The following UNC13C variants were observed in gnomAD, a reference collection of about 807,000 sequenced individuals.
UNC13C encodes the protein protein unc-13 homolog C.
In UNC13C, 174 loss-of-function variants were observed where a neutral mutation model predicts 245.4. That is an observed-to-expected ratio of 0.71 (90% CI 0.63 to 0.80). The LOEUF is 0.80. UNC13C is among the 30% of genes least tolerant of loss of function. The pLI is 0.00. For synonymous variants in UNC13C, 992 were observed against 895.1 expected, an observed-to-expected ratio of 1.11 and a Z score of -1.93; for missense variants, 2,829 against 2,602.9, an observed-to-expected ratio of 1.09 and a Z score of -1.89.
chr15:54,102,442 C>T (rs926123729), intron 2 of UNC13C, among the ~76,000 whole-genome samples: 1 of 152,184 alleles, frequency 6.6e-6, no homozygotes, highest in Admixed American at 6.5e-5. Context: ...GTACGACATG[C>T]TTGTGTATGT....
At chr15:53,863,148 C>A in the UNC13C span, among the ~76,000 whole-genome samples, 1 of 152,146 alleles carries the variant, frequency 6.6e-6, no homozygotes, top group Non-Finnish European at 1.5e-5. Flanking sequence ...ATTCCCACTG[C>A]AAATGGAGAA....
chr15:54,467,090 G>T (rs1892213383), intron 19 of UNC13C, among the ~76,000 whole-genome samples: 2 of 151,766 alleles, frequency 1.3e-5, no homozygotes, highest in Non-Finnish European at 3.0e-5. Context: ...TTCTAAATGA[G>T]AATTTCTGGG....
chr15:54,417,074 C>T (rs1369221758), intron 19 of UNC13C: 2 of 415,004 alleles, frequency 4.8e-6, no homozygotes, highest in Admixed American at 3.0e-5. Flanking sequence ...TGCGTAACAA[C>T]TGATTTTATT....
intron 19 of UNC13C, among the ~76,000 whole-genome samples, chr15:54,461,431 A>G (rs1891838280): frequency 6.6e-6 from 1 of 152,192 alleles, no homozygotes; most frequent in Non-Finnish European, 1.5e-5. Context: ...CATATAATCT[A>G]TCTTTGTATT....
chr15:53,956,361 G>A, the UNC13C span, among the ~76,000 whole-genome samples: 1 of 151,918 alleles, frequency 6.6e-6, no homozygotes, highest in East Asian at 1.9e-4. Context: ...AATATTTAGG[G>A]GTGGGAAATT....
intron 19 of UNC13C, among the ~76,000 whole-genome samples, chr15:54,436,347 A>G (rs2040986346): frequency 6.6e-6 from 1 of 152,068 alleles, no homozygotes; most frequent in Non-Finnish European, 1.5e-5. Context: ...TCTGCTATAA[A>G]GACACATGCA....
intron 1 of UNC13C, among the ~76,000 whole-genome samples, chr15:53,988,519 A>G (rs918543251): frequency 6.6e-6 from 1 of 151,920 alleles, no homozygotes; most frequent in African/African-American, 2.4e-5. Context: ...AGGATCTACC[A>G]TCACAAGCTC....
intron 2 of UNC13C, among the ~76,000 whole-genome samples, chr15:54,130,276 G>A (rs1474409888): frequency 6.9e-6 from 1 of 144,552 alleles, no homozygotes; most frequent in African/African-American, 2.5e-5. Context: ...TCGTGGCCAG[G>A]TAGATAATTA....
chr15:53,964,536 T>C, the UNC13C span, among the ~76,000 whole-genome samples: 1 of 152,186 alleles, frequency 6.6e-6, no homozygotes, highest in Admixed American at 6.5e-5. Context: ...CTCTATAAGG[T>C]GAAATATTAG....
intron 7 of UNC13C, among the ~76,000 whole-genome samples, chr15:54,242,423 T>C (rs962144707): frequency 1.3e-5 from 2 of 152,186 alleles, no homozygotes; most frequent in Admixed American, 1.3e-4. Flanking sequence ...TTGAATTTAA[T>C]ACCATCAAAT....
intron 4 of UNC13C, among the ~76,000 whole-genome samples, chr15:54,203,519 C>CAT (rs1202904559): frequency 2.8e-4 from 38 of 134,680 alleles, no homozygotes; most frequent in Admixed American, 1.5e-3. Flanking sequence ...CACACACACA[C>CAT]ATATATATGT....
chr15:54,535,953 C>T (rs1314208813), intron 26 of UNC13C, among the ~76,000 whole-genome samples: 2 of 151,740 alleles, frequency 1.3e-5, no homozygotes, highest in Non-Finnish European at 2.9e-5. Flanking sequence ...ATAAACCAAC[C>T]GAAAAGCCAG....
Position 54,250,733 on chromosome 15 carries a change from T to TTTTCTTTC in UNC13C, c.3448+301_3448+308dup, listed in dbSNP as rs1202618938. Reference sequence around the variant, plus strand: ...CTTCCTATCTATTTTCTTTTTTGTCTTTTCTTTCTTTCTTTCTTTTTTTTT... The same window carrying TTTTCTTTC: ...CTTCCTATCTATTTTCTTTTTTGTCTTTTCTTTCTTTCTTTCTTTCTTTCTTTTTTTTT... On this transcript the variant is annotated intron_variant, in intron 8 of 32. Coordinates refer to ENST00000260323, the MANE Select transcript of UNC13C (RefSeq NM_001080534.3). Among the ~76,000 whole-genome samples the TTTTCTTTC allele has an allele frequency of 1.0e-2, 873 of 87,704 alleles. 19 individuals carry two copies. Among genetic ancestry groups the TTTTCTTTC allele is most frequent in the African/African-American group, 0.02 (291 of 14,900 alleles). 57.5% of individuals were successfully genotyped at this position (87,704 alleles called of 152,430 possible). A position where few individuals can be genotyped will look rare whatever the true frequency, so the allele number is the denominator to read the frequency against.
chr15:54,336,828 T>C (rs557640663), intron 16 of UNC13C, among the ~76,000 whole-genome samples: 1 of 152,286 alleles, frequency 6.6e-6, no homozygotes, highest in South Asian at 2.1e-4. Flanking sequence ...TGTTCAATTG[T>C]TTGTACATCC....
chr15:54,158,179 A>C (rs1410295616), intron 4 of UNC13C, among the ~76,000 whole-genome samples: 1 of 152,234 alleles, frequency 6.6e-6, no homozygotes, highest in Non-Finnish European at 1.5e-5. Flanking sequence ...CTTTTAGAAC[A>C]GAAATTTGTT....
chr15:53,955,225 A>T, the UNC13C span, among the ~76,000 whole-genome samples: 1 of 151,630 alleles, frequency 6.6e-6, no homozygotes, highest in Non-Finnish European at 1.5e-5. Context: ...GAAGATTTCC[A>T]CTTCCTTTTG....
At chr15:53,925,302 T>G in the UNC13C span, among the ~76,000 whole-genome samples, 1 of 152,190 alleles carries the variant, frequency 6.6e-6, no homozygotes, top group Admixed American at 6.5e-5. Flanking sequence ...GTTATAAAAT[T>G]TAAATGCTAT....
At chr15:54,278,345 T>C (rs1372105205) in intron 10 of UNC13C, among the ~76,000 whole-genome samples, 2 of 152,168 alleles carry the variant, frequency 1.3e-5, no homozygotes, top group African/African-American at 4.8e-5. Context: ...AATATTCTCA[T>C]GTGAGCTTGA....
intron 17 of UNC13C, among the ~76,000 whole-genome samples, chr15:54,387,563 T>G (rs1174776958): frequency 6.6e-6 from 1 of 152,118 alleles, no homozygotes; most frequent in African/African-American, 2.4e-5. Flanking sequence ...CCCACTGATG[T>G]GGAGAACAAG....
Sources: allele counts gnomAD v4.1 joint callset (sites outside exome capture counted in the v4.1 genomes callset), GRCh38; gene constraint gnomAD v4.1.1; transcripts MANE v1.5; gene names NCBI Gene and HGNC (gene_info 2026-07-23, HGNC 2026-07-21).